UBR2: variants seen among roughly 807,000 people sequenced by gnomAD.
UBR2 encodes E3 ubiquitin-protein ligase UBR2.
UBR2 carries 92 observed loss-of-function variants against 247.9 expected under a neutral mutation model. The observed-to-expected ratio is 0.37, with a 90% confidence interval of 0.31 to 0.44. The LOEUF is 0.44. Among genes scored for constraint, UBR2 ranks in the 20% least tolerant of loss-of-function variants. UBR2 has a pLI of 1.00. For missense variants in UBR2, 1,613 were observed against 2,112.6 expected, an observed-to-expected ratio of 0.76 and a Z score of 4.64; for synonymous variants, 672 against 693.5, an observed-to-expected ratio of 0.97 and a Z score of 0.49.
At chr6:42,608,635 G>C (rs1009839001) in intron 7 of UBR2, among the ~76,000 whole-genome samples, 3 of 151,618 alleles carry the variant, frequency 2.0e-5, no homozygotes, top group Middle Eastern at 3.2e-3. Context: ...GTGTTAAGAA[G>C]AAAAAACAAA....
intron 4 of UBR2, among the ~76,000 whole-genome samples, chr6:42,599,138 A>T (rs1157422279): frequency 2.0e-5 from 3 of 152,172 alleles, no homozygotes; most frequent in African/African-American, 4.8e-5. Flanking sequence ...ACTGAACAAC[A>T]ACCTAAGTGA....
chr6:42,666,393 G>C, intron 34 of UBR2, 148 bp downstream of exon 34: 1 of 618,244 alleles, frequency 1.6e-6, no homozygotes, highest in Non-Finnish European at 2.7e-6. Context: ...CAGAGGCTGA[G>C]ACAGGAGGAT....
intron 15 of UBR2, among the ~76,000 whole-genome samples, chr6:42,639,596 G>T (rs1225820709): frequency 6.6e-6 from 1 of 152,112 alleles, no homozygotes; most frequent in Non-Finnish European, 1.5e-5. Flanking sequence ...TAAACCAAAA[G>T]TTCTGGGGAA....
rs1796503878 is a variant in UBR2 at position 42,642,431 on chromosome 6, A to G, written c.2047A>G (p.Asn683Asp). The G allele has an allele frequency of 1.2e-6, 2 of 1,608,386 alleles. No homozygotes were observed. Among genetic ancestry groups the G allele is most frequent in the South Asian group, 2.2e-5 (2 of 90,642 alleles). The change falls in exon 18 of 47, where the codon AAT (asparagine) becomes GAT (aspartate). Residue 683 changes from asparagine (N) to aspartate (D), a missense_variant. By Grantham distance (23) the Asn-to-Asp change is conservative. Around this residue, in one of 3 missense-constraint regions of UBR2, gnomAD observed 1,524 missense variants for 1,967.3 expected, o/e 0.77. Transcript: ENST00000372901. ...TTTTTTTTAGATTTATTACTACCAT[A>G]ATGTGAAATGCAGACGTGAGATGTT... The part of the protein sequence containing the change: ...SLVNQIYYYH[N>D]VKCRREMFDK...
chr6:42,685,621 C>G (rs9367161), intron 44 of UBR2, among the ~76,000 whole-genome samples: 4 of 151,780 alleles, frequency 2.6e-5, no homozygotes, highest in African/African-American at 9.7e-5. Context: ...TGCACCACAA[C>G]GCCCAGCTAA....
intron 40 of UBR2, among the ~76,000 whole-genome samples, chr6:42,678,146 C>T (rs1166441880): frequency 2.0e-5 from 3 of 152,154 alleles, no homozygotes; most frequent in Non-Finnish European, 2.9e-5. Flanking sequence ...ACCATCCTGG[C>T]TAACACAGCG....
In UBR2 at chr6:42,661,672, G is replaced by C. The variant is rs1797813800; in HGVS notation, c.3443-512G>C. On this transcript the variant is annotated intron_variant, in intron 30 of 46. Transcript: ENST00000372901. ...CCCCATCTGATCTGGTCTGTGCTTA[G>C]ATTTTTTGTTGTCACTTTGGCTCTG... 3.3e-5 allele frequency among the ~76,000 whole-genome samples: 5 copies of C among 152,134 alleles called. No individual in the cohort carries two copies. In the South Asian group the frequency reaches 1.0e-3, roughly 31 times the overall value.
chr6:42,673,970 T>C (rs1798581350), intron 37 of UBR2, 83 bp downstream of exon 37: 2 of 1,288,708 alleles, frequency 1.6e-6, no homozygotes, highest in Admixed American at 2.1e-5. Flanking sequence ...CTCTCAGTAA[T>C]GAATTAAATA....
intron 1 of UBR2, among the ~76,000 whole-genome samples, chr6:42,570,695 G>GT (rs1220313555): frequency 1.3e-5 from 2 of 149,852 alleles, no homozygotes; most frequent in Non-Finnish European, 3.0e-5. Flanking sequence ...TTGTTTGTTT[G>GT]TTTTTTGAGA....
At chr6:42,690,890 A>T in intron 46 of UBR2, 142 bp from the exon 47 acceptor site, 1 of 1,024,740 alleles carries the variant, frequency 9.8e-7, no homozygotes, top group African/African-American at 1.6e-5. Flanking sequence ...TTTTGTTAAT[A>T]GCCACAGTCA....
chr6:42,648,918 T>C (rs922033486), intron 22 of UBR2, among the ~76,000 whole-genome samples: 1 of 152,228 alleles, frequency 6.6e-6, no homozygotes, highest in Admixed American at 6.5e-5. Flanking sequence ...TAATGGAATG[T>C]TTCCATGTAT....
intron 5 of UBR2, among the ~76,000 whole-genome samples, chr6:42,604,717 T>C (rs1793590417): frequency 6.6e-6 from 1 of 152,158 alleles, no homozygotes; most frequent in South Asian, 2.1e-4. Context: ...TTATTGTCCT[T>C]AGGATGGCAA....
intron 34 of UBR2, among the ~76,000 whole-genome samples, chr6:42,669,256 T>TA (rs1798297008): frequency 1.3e-5 from 2 of 152,214 alleles, no homozygotes; most frequent in African/African-American, 2.4e-5. Flanking sequence ...AACTGTAAGA[T>TA]ACTCTCTTTA....
At chr6:42,594,599 T>C (rs903599270) in intron 4 of UBR2, among the ~76,000 whole-genome samples, 16 of 152,220 alleles carry the variant, frequency 1.1e-4, no homozygotes, top group African/African-American at 3.9e-4. Context: ...TTTTCCCATA[T>C]GTGTAGACCA....
rs780551407 is a variant in UBR2, at chr6:42,689,685, T to A, written c.5126+15T>A. On this transcript the variant is annotated intron_variant, in intron 46 of 46. Coordinates refer to ENST00000372901, the MANE Select transcript of UBR2 (RefSeq NM_001363705.2). The surrounding 1 kb of genome is among the most constrained non-coding windows in gnomAD (Gnocchi z 4.0). Reference sequence around the variant, plus strand: ...CAGGGACTCAGGTAAGAACCCATCCTGAGTTAGCTAACTCAGGGCCTGCAG... The same window carrying A: ...CAGGGACTCAGGTAAGAACCCATCCAGAGTTAGCTAACTCAGGGCCTGCAG... 4.3e-6 allele frequency: 7 copies of A among 1,611,158 alleles called. No homozygotes were observed. Among genetic ancestry groups the A allele is most frequent in the Non-Finnish European group, 5.9e-6 (7 of 1,177,462 alleles).
At chr6:42,668,370 T>C (rs1267454719) in intron 34 of UBR2, among the ~76,000 whole-genome samples, 1 of 152,222 alleles carries the variant, frequency 6.6e-6, no homozygotes. Flanking sequence ...TTTATCTAGA[T>C]TTTGAAGGCA....
At position 42,605,743 on chromosome 6, in the gene UBR2, T is replaced by A; in HGVS notation, c.685T>A (p.Cys229Ser). The A allele has an allele frequency of 6.2e-7, 1 of 1,610,362 alleles. No homozygotes were observed. The highest frequency in any genetic ancestry group is 1.3e-5 in the African/African-American group (1 of 74,880). The change falls in exon 6 of 47, where the codon TGC (cysteine) becomes AGC (serine). Residue 229 changes from cysteine to serine, a missense_variant. Physicochemically the swap from Cys to Ser is moderately radical, Grantham distance 112. Coordinates refer to ENST00000372901, the MANE Select transcript of UBR2 (RefSeq NM_001363705.2). ...CAGAGAGAAGAGTGACACCTACTAT[T>A]GCATGCTGTTTAATGATGAGGTTCA... The part of the protein sequence containing the change: ...EMVEKSDTYY[C>S]MLFNDEVHTY...
chr6:42,573,994 G>T lies in UBR2; in HGVS notation c.338+1G>T. 2 of 1,555,114 alleles carry T rather than the reference G, an allele frequency of 1.3e-6. No individual in the cohort carries two copies. The highest frequency in any genetic ancestry group is 1.7e-6 in the Non-Finnish European group (2 of 1,153,244). ...TAGGAGAGCCTACATATTCTTGCAGGTAAAATATTTTAATTTTCTTTCTAG... is the reference window on the plus strand; with the variant it reads ...TAGGAGAGCCTACATATTCTTGCAGTTAAAATATTTTAATTTTCTTTCTAG... On this transcript the variant is annotated splice_donor_variant, in intron 2 of 46. Coordinates refer to ENST00000372901, the MANE Select transcript of UBR2 (RefSeq NM_001363705.2). LOFTEE classifies it high-confidence loss of function.
intron 1 of UBR2, among the ~76,000 whole-genome samples, chr6:42,565,530 A>C (rs1317057612): frequency 6.6e-6 from 1 of 152,038 alleles, no homozygotes; most frequent in Non-Finnish European, 1.5e-5. Flanking sequence ...TTAAATGCTG[A>C]ATCTTTGCTT....
Sources: gnomAD v4.1 joint callset for allele counts (sites outside exome capture counted in the v4.1 genomes callset) on GRCh38, gnomAD v4.1.1 for gene constraint, gnomAD v4.1.1 regional missense constraint, Gnocchi (gnomAD v3.1) non-coding constraint, MANE v1.5 for transcripts, NCBI Gene and HGNC (gene_info 2026-07-23, HGNC 2026-07-21) for gene names.